Variants in BTBD10 observed in about 807,000 individuals in gnomAD.
BTBD10 encodes BTB/POZ domain-containing protein 10.
In BTBD10, 21 loss-of-function variants were observed where a neutral mutation model predicts 53.2. The observed-to-expected ratio is 0.39, with a 90% CI of 0.28 to 0.57. BTBD10 has a LOEUF of 0.57. Ranked by LOEUF, BTBD10 falls within the 20% of genes least tolerant of loss-of-function variation. BTBD10 has a pLI of 0.53. For missense variants in BTBD10, 360 were observed against 594.7 expected, an observed-to-expected ratio of 0.61 and a Z score of 4.10; for synonymous variants, 149 against 192.7, an observed-to-expected ratio of 0.77 and a Z score of 1.88.
chr11:13,399,262 C>G (rs1203306617), intron 8 of BTBD10, among the ~76,000 whole-genome samples: 1 of 152,102 alleles, frequency 6.6e-6, no homozygotes, highest in African/African-American at 2.4e-5. Flanking sequence ...ATTCTTTTTT[C>G]TCTAAACTTC....
intron 1 of BTBD10, among the ~76,000 whole-genome samples, chr11:13,454,938 T>C (rs1950932409): frequency 6.6e-6 from 1 of 152,180 alleles, no homozygotes; most frequent in Non-Finnish European, 1.5e-5. Context: ...GAGACGGAGC[T>C]TTGCTCTTGT....
At chr11:13,425,304 A>G (rs1331688830) in intron 2 of BTBD10, among the ~76,000 whole-genome samples, 1 of 152,230 alleles carries the variant, frequency 6.6e-6, no homozygotes, top group African/African-American at 2.4e-5. Flanking sequence ...AAATTTTAAC[A>G]TCAAGACCAA....
chr11:13,454,538 A>T (rs565893460), intron 1 of BTBD10, among the ~76,000 whole-genome samples: 76 of 152,248 alleles, frequency 5.0e-4, no homozygotes, highest in African/African-American at 1.7e-3. Flanking sequence ...ATTGAATTGT[A>T]AGTATCTAAT....
chr11:13,433,171 G>C (rs1171011645), intron 2 of BTBD10, among the ~76,000 whole-genome samples: 1 of 152,100 alleles, frequency 6.6e-6, no homozygotes, highest in Non-Finnish European at 1.5e-5. Context: ...ACCTTCACCT[G>C]CCCTCTTTTC....
intron 2 of BTBD10, among the ~76,000 whole-genome samples, chr11:13,434,311 T>TA (rs1173647551): frequency 1.3e-5 from 2 of 151,846 alleles, no homozygotes; most frequent in Non-Finnish European, 2.9e-5. Flanking sequence ...ATAAAGGTAA[T>TA]AAAAAAAGAG....
At chr11:13,397,813 C>T (rs1949596370) in intron 8 of BTBD10, among the ~76,000 whole-genome samples, 1 of 152,190 alleles carries the variant, frequency 6.6e-6, no homozygotes, top group Non-Finnish European at 1.5e-5. Flanking sequence ...AGTAGTCATT[C>T]AGGAGAAGGT....
At position 13,461,672 on chromosome 11, in the gene BTBD10, T is replaced by C. The variant is rs535777501; in HGVS notation, c.-58+1420A>G. On this transcript the variant is annotated intron_variant, in intron 1 of 8. Transcript: ENST00000278174. ...CTGGTGGAAGGGTAACATAATTACA[T>C]AGGGTTAGAAGTCTATCTGAAAGCT... Among the ~76,000 whole-genome samples, 182 of 152,250 alleles carry C rather than the reference T, an allele frequency of 1.2e-3. 1 individual carries two copies. Among genetic ancestry groups the C allele is most frequent in the African/African-American group, 4.3e-3 (177 of 41,526 alleles).
intron 2 of BTBD10, among the ~76,000 whole-genome samples, chr11:13,429,947 T>G (rs940013965): frequency 3.3e-5 from 5 of 151,658 alleles, no homozygotes; most frequent in African/African-American, 4.8e-5. Context: ...ACAAAAAAAT[T>G]TTTTAAAAAT....
At position 13,441,771 on chromosome 11, in the gene BTBD10, C is replaced by T. The variant is rs148999898; in HGVS notation, c.101+3253G>A. ...ATTTAGATTAGCTATAAAAACTAAA[C>T]AATAAAGTATGCTTATTTCCTTACG... On this transcript the variant is annotated intron_variant, in intron 2 of 8. Coordinates refer to ENST00000278174, the MANE Select transcript of BTBD10 (RefSeq NM_032320.7). 2.0e-4 allele frequency among the ~76,000 whole-genome samples: 31 copies of T among 152,094 alleles called. No individual in the cohort carries two copies. The East Asian group carries it at 6.0e-3, about 29-fold the overall frequency.
rs1025391844 is a variant in BTBD10, at chr11:13,413,559, T to G, written c.779A>C (p.Glu260Ala). 1 of 1,610,168 alleles carries G rather than the reference T, an allele frequency of 6.2e-7. No homozygotes were observed. Among genetic ancestry groups the G allele is most frequent in the Non-Finnish European group, 8.5e-7 (1 of 1,177,854 alleles). ...EACDYLCISF[E>A]YSTIKCRDLS... ...ATCTCTACATTTAATAGTGCTATAT[T>G]CAAAAGAGATACAAAGATAGTCACA... The change falls in exon 6 of 9, where the codon GAA becomes GCA. Residue 260 changes from glutamate (E) to alanine (A), a missense_variant. Transcript: ENST00000278174.
chr11:13,391,629 A>T (rs1254306289), intron 8 of BTBD10, among the ~76,000 whole-genome samples: 1 of 152,222 alleles, frequency 6.6e-6, no homozygotes, highest in East Asian at 1.9e-4. Flanking sequence ...TATGCCAGTT[A>T]TAAGTAATAA....
At chr11:13,450,038 T>A (rs1410882399) in intron 1 of BTBD10, among the ~76,000 whole-genome samples, 1 of 152,180 alleles carries the variant, frequency 6.6e-6, no homozygotes, top group Admixed American at 6.5e-5. Flanking sequence ...ATTATTTTTA[T>A]CTCTCAAACT....
chr11:13,440,611 CT>C (rs1367009007), intron 2 of BTBD10, among the ~76,000 whole-genome samples: 1 of 152,168 alleles, frequency 6.6e-6, no homozygotes, highest in Non-Finnish European at 1.5e-5. Context: ...TTCTAAACTG[CT>C]GCTAGGGCTA....
intron 8 of BTBD10, among the ~76,000 whole-genome samples, chr11:13,390,917 T>C (rs571348614): frequency 1.3e-5 from 2 of 152,330 alleles, no homozygotes. Context: ...CTTCATTTCA[T>C]ACTTTTGGTC....
intron 1 of BTBD10, among the ~76,000 whole-genome samples, chr11:13,450,913 T>C (rs10832039): frequency 0.41 from 62,315 of 152,086 alleles, 15,250 homozygotes; most frequent in Middle Eastern, 0.58. Flanking sequence ...GAGCTTACTC[T>C]TGAAAAACTA....
At chr11:13,423,066 GC>G (rs1290328988) in intron 2 of BTBD10, among the ~76,000 whole-genome samples, 1 of 152,128 alleles carries the variant, frequency 6.6e-6, no homozygotes, top group African/African-American at 2.4e-5. Flanking sequence ...AAAAGACATT[GC>G]TATAGAGTAG....
chr11:13,400,911 T>G (rs1389621153), intron 8 of BTBD10, among the ~76,000 whole-genome samples: 2 of 152,162 alleles, frequency 1.3e-5, no homozygotes, highest in Non-Finnish European at 2.9e-5. Context: ...TATTCTAGAT[T>G]GAGAAATTTG....
intron 1 of BTBD10, among the ~76,000 whole-genome samples, chr11:13,451,149 G>C (rs1950850565): frequency 6.6e-6 from 1 of 152,162 alleles, no homozygotes; most frequent in African/African-American, 2.4e-5. Context: ...CTGGCTGATA[G>C]CTAAAATACA....
At chr11:13,446,799 A>G (rs1302243588) in intron 1 of BTBD10, among the ~76,000 whole-genome samples, 1 of 152,176 alleles carries the variant, frequency 6.6e-6, no homozygotes, top group Admixed American at 6.5e-5. Context: ...TCTGAATTTT[A>G]GATTATAAAA....
Sources: gnomAD v4.1 joint callset for allele counts (sites outside exome capture counted in the v4.1 genomes callset) on GRCh38, gnomAD v4.1.1 for gene constraint, MANE v1.5 for transcripts, NCBI Gene and HGNC (gene_info 2026-07-23, HGNC 2026-07-21) for gene names.